Variants in ZNF43 observed in about 807,000 individuals in gnomAD.
ZNF43 encodes the protein zinc finger protein 43.
In ZNF43, 44 loss-of-function variants were observed where a neutral mutation model predicts 68.4. The observed-to-expected ratio is 0.64, with a 90% CI of 0.51 to 0.83. The LOEUF (loss-of-function observed/expected upper bound fraction) is 0.83, where lower values mean the gene tolerates loss of function less well. ZNF43 is among the 40% of genes least tolerant of loss of function. The pLI is 0.00. For missense variants in ZNF43, 896 were observed against 933.2 expected (o/e 0.96, Z 0.52); for synonymous variants, 308 against 307.8 (o/e 1.00, Z -0.01).
At chr19:21,810,165 G>A (rs938698007) in intron 3 of ZNF43, among the ~76,000 whole-genome samples, 1 of 152,164 alleles carries the variant, frequency 6.6e-6, no homozygotes, top group Admixed American at 6.5e-5. Context: ...GAATACCTGA[G>A]AGTGGATAAT....
Position 21,809,288 on chromosome 19 carries a change from T to C in ZNF43, c.749A>G (p.Lys250Arg). ...NWSSRLTTHK[K>R]NYTRYKLYKC... ...GTAGAGTTTGTATCTAGTATAATTT[T>C]TTTTATGTGTAGTAAGGCGTGAGGA... Residue 250 changes from lysine to arginine, a missense_variant, in exon 4 of 4, where the codon AAA becomes AGA. By Grantham distance (26) the Lys-to-Arg change is conservative. Transcript: ENST00000354959. The C allele has an allele frequency of 6.2e-7, 1 of 1,612,510 alleles. No homozygotes were observed. Among genetic ancestry groups the C allele is most frequent in the Non-Finnish European group, 8.5e-7 (1 of 1,179,522 alleles).
intron 1 of ZNF43, among the ~76,000 whole-genome samples, chr19:21,842,230 G>A (rs1967587456): frequency 2.6e-5 from 4 of 151,868 alleles, no homozygotes; most frequent in Admixed American, 2.6e-4. Flanking sequence ...ACAACGTGGT[G>A]AAATCCTGTC....
chr19:21,809,182 G>T lies in ZNF43; in HGVS notation c.855C>A (p.Phe285Leu), dbSNP rs772689824. ...THKIIRTGEKFYKCKECAKAF... is the reference protein window; with the variant it reads ...THKIIRTGEKLYKCKECAKAF... The stretch of plus-strand genomic sequence containing the variant: ...CTTTGGCACATTCTTTACATTTGTA[G>T]AATTTCTCTCCAGTGCGAATTATCT... Residue 285 changes from phenylalanine (F) to leucine (L), a missense_variant, in exon 4 of 4, where the codon TTC becomes TTA. Coordinates refer to ENST00000354959, the MANE Select transcript of ZNF43 (RefSeq NM_003423.4). The T allele has an allele frequency of 6.2e-7, 1 of 1,613,282 alleles. No homozygotes were observed. The highest frequency in any genetic ancestry group is 1.7e-5 in the Admixed American group (1 of 59,936).
intron 3 of ZNF43, among the ~76,000 whole-genome samples, chr19:21,810,495 T>A (rs1361541664): frequency 6.6e-6 from 1 of 152,166 alleles, no homozygotes; most frequent in Non-Finnish European, 1.5e-5. Context: ...AAGATTATAC[T>A]GCAGCATGAG....
intron 1 of ZNF43, among the ~76,000 whole-genome samples, chr19:21,822,897 C>A (rs941709929): frequency 1.3e-5 from 2 of 152,076 alleles, no homozygotes; most frequent in Non-Finnish European, 2.9e-5. Flanking sequence ...AAATTAAATT[C>A]CAGAGTTTGT....
chr19:21,824,401 T>G (rs2038007958), intron 1 of ZNF43, among the ~76,000 whole-genome samples: 1 of 152,132 alleles, frequency 6.6e-6, no homozygotes. Context: ...GCCATTAGAT[T>G]CTATTTACAC....
chr19:21,821,968 T>C (rs1310338903), intron 1 of ZNF43, among the ~76,000 whole-genome samples: 1 of 152,212 alleles, frequency 6.6e-6, no homozygotes, highest in East Asian at 1.9e-4. Context: ...TGAGATTCTC[T>C]GGACAAATTA....
chr19:21,818,099 A>G, intron 2 of ZNF43, 113 bp from the exon 3 acceptor site: 5 of 1,208,430 alleles, frequency 4.1e-6, no homozygotes, highest in Non-Finnish European at 5.7e-6. Flanking sequence ...TTAATCCCAA[A>G]ATACTAATTT....
intron 1 of ZNF43, among the ~76,000 whole-genome samples, chr19:21,842,569 G>A (rs565232549): frequency 6.6e-6 from 1 of 152,034 alleles, no homozygotes; most frequent in South Asian, 2.1e-4. Context: ...TCATCTAAGA[G>A]AGGGCTCCAG....
chr19:21,835,926 C>T (rs2038701125), intron 1 of ZNF43, 110 bp downstream of exon 1: 5 of 1,576,424 alleles, frequency 3.2e-6, no homozygotes, highest in African/African-American at 1.4e-5. Flanking sequence ...GGATTGAGGC[C>T]GAGCTGGGCA....
intron 1 of ZNF43, among the ~76,000 whole-genome samples, chr19:21,847,280 C>T (rs1286966226): frequency 1.3e-5 from 2 of 152,072 alleles, no homozygotes; most frequent in South Asian, 2.1e-4. Flanking sequence ...AGGAGACTTC[C>T]GACCTTTAGG....
chr19:21,811,731 T>A (rs2145177196), intron 3 of ZNF43, among the ~76,000 whole-genome samples: 1 of 152,226 alleles, frequency 6.6e-6, no homozygotes, highest in Admixed American at 6.5e-5. Flanking sequence ...AATGAACTTC[T>A]ACAAAGTTGC....
At position 21,807,188 on chromosome 19, in the gene ZNF43, T is replaced by C. The variant is rs1392378362; in HGVS notation, c.*419A>G. 1 of 153,978 alleles carries C rather than the reference T, an allele frequency of 6.5e-6. No homozygotes were observed. Among genetic ancestry groups the C allele is most frequent in the East Asian group, 1.9e-4 (1 of 5,226 alleles). 9.5% of individuals were successfully genotyped at this position (153,978 alleles called of 1,614,324 possible). On this transcript the variant is annotated 3_prime_UTR_variant, in exon 4 of 4. Transcript: ENST00000354959. ...GCAACTGCTTCAGGGTTTTCTTTAGTACAAAATGTGTACAATAAGATCTGT... is the reference window on the plus strand; with the variant it reads ...GCAACTGCTTCAGGGTTTTCTTTAGCACAAAATGTGTACAATAAGATCTGT...
chr19:21,809,858 AATATACTT>A, intron 3 of ZNF43, 51 bp from the exon 4 acceptor site: 1 of 1,452,520 alleles, frequency 6.9e-7, no homozygotes, highest in African/African-American at 1.4e-5. Context: ...CTCAGAGATA[AATATACTT>A]TATGTAACAT....
At position 21,809,648 on chromosome 19, in the gene ZNF43, C is replaced by T. The variant is rs1339571300; in HGVS notation, c.389G>A (p.Gly130Asp). Residue 130 changes from glycine to aspartate, a missense_variant, in exon 4 of 4, where the codon GGT (glycine) becomes GAT (aspartate). Coordinates refer to ENST00000354959, the MANE Select transcript of ZNF43 (RefSeq NM_003423.4). Reference sequence around the variant, plus strand: ...CAAACATTGGTTAAATCCATTATAACCTCCTCTGTGCACCTTACACTCATC... The same window carrying T: ...CAAACATTGGTTAAATCCATTATAATCTCCTCTGTGCACCTTACACTCATC... Reference protein sequence around the residue: ...SVDECKVHRGGYNGFNQCLPA... With the variant: ...SVDECKVHRGDYNGFNQCLPA... 1.9e-6 allele frequency: 3 copies of T among 1,612,634 alleles called. No individual in the cohort carries two copies. The highest frequency in any genetic ancestry group is 1.3e-5 in the African/African-American group (1 of 74,688).
chr19:21,825,340 G>C (rs1257472083), intron 1 of ZNF43, among the ~76,000 whole-genome samples: 1 of 152,124 alleles, frequency 6.6e-6, no homozygotes, highest in African/African-American at 2.4e-5. Context: ...AAGGTTTAAG[G>C]TATGGGTTAT....
At chr19:21,843,108 C>T (rs1027284079) in intron 1 of ZNF43, 3 of 152,212 alleles carry the variant, frequency 2.0e-5, no homozygotes, top group Non-Finnish European at 4.4e-5. Flanking sequence ...TTACAATAGC[C>T]CATTTGGGCA....
intron 2 of ZNF43, 42 bp downstream of exon 2, chr19:21,819,053 C>A: frequency 2.5e-6 from 4 of 1,581,604 alleles, no homozygotes; most frequent in South Asian, 1.2e-5. Flanking sequence ...AAAATGAAAT[C>A]TTTAGGGTAT....
Position 21,806,471 on chromosome 19 carries a change from TAC to T in ZNF43, c.*1134_*1135del, listed in dbSNP as rs1427308546. 1 of 152,182 alleles carries T rather than the reference TAC, an allele frequency of 6.6e-6. No individual in the cohort carries two copies. Among genetic ancestry groups the T allele is most frequent in the Admixed American group, 6.6e-5 (1 of 15,256 alleles). 9.4% of individuals were successfully genotyped at this position (152,182 alleles called of 1,614,324 possible). ...TGAGCCACCATGCCTGGCTGCATCT[TAC>T]ACTTTAATATCCTTACTGTTCCATA... On this transcript the variant is annotated 3_prime_UTR_variant, in exon 4 of 4. Coordinates refer to ENST00000354959, the MANE Select transcript of ZNF43 (RefSeq NM_003423.4).
Sources: allele counts gnomAD v4.1 joint callset (sites outside exome capture counted in the v4.1 genomes callset), GRCh38; gene constraint gnomAD v4.1.1; transcripts MANE v1.5; gene names NCBI Gene and HGNC (gene_info 2026-07-23, HGNC 2026-07-21).